Variants in CSMD1 observed in about 807,000 individuals in gnomAD.
The protein encoded by CSMD1 is CUB and Sushi multiple domains 1.
CSMD1 carries 213 observed loss-of-function variants against 417.5 expected under a neutral mutation model. The observed-to-expected ratio is 0.51, with a 90% CI of 0.46 to 0.57. The LOEUF is 0.57. Ranked by LOEUF, CSMD1 falls within the 20% of genes least tolerant of loss-of-function variation. The probability of loss-of-function intolerance (pLI) is 0.00; values close to 1 mark genes in which losing one functional copy is unlikely to be tolerated. For synonymous variants in CSMD1, 2,862 were observed against 1,736.8 expected, an observed-to-expected ratio of 1.65 and a Z score of -16.11; for missense variants, 6,923 against 4,529.7, an observed-to-expected ratio of 1.53 and a Z score of -15.17.
intron 48 of CSMD1, among the ~76,000 whole-genome samples, chr8:3,090,711 A>T (rs1563328627): frequency 6.6e-6 from 1 of 152,202 alleles, no homozygotes; most frequent in Non-Finnish European, 1.5e-5. Context: ...CTTTCACGGG[A>T]AAACATAACT....
chr8:4,069,781 T>C (rs1490683058), intron 3 of CSMD1, among the ~76,000 whole-genome samples: 2 of 152,212 alleles, frequency 1.3e-5, no homozygotes, highest in African/African-American at 2.4e-5. Context: ...AACTCCTGTT[T>C]TGGTGTTAAA....
At chr8:4,508,436 T>G (rs1243695615) in intron 2 of CSMD1, among the ~76,000 whole-genome samples, 1 of 152,212 alleles carries the variant, frequency 6.6e-6, no homozygotes, top group Admixed American at 6.5e-5. Context: ...TCAACCCACT[T>G]AGATACCAAT....
At chr8:4,118,620 G>A (rs1465181742) in intron 3 of CSMD1, among the ~76,000 whole-genome samples, 1 of 152,156 alleles carries the variant, frequency 6.6e-6, no homozygotes, top group African/African-American at 2.4e-5. Flanking sequence ...TGGAGACTTA[G>A]GAACACATTT....
chr8:2,998,843 G>T (rs984200659), intron 53 of CSMD1, among the ~76,000 whole-genome samples: 1 of 152,040 alleles, frequency 6.6e-6, no homozygotes, highest in Non-Finnish European at 1.5e-5. Context: ...TCATAAAACT[G>T]GTGTTTTCTT....
intron 11 of CSMD1, among the ~76,000 whole-genome samples, chr8:3,480,883 G>C (rs112250817): frequency 6.6e-6 from 1 of 151,916 alleles, no homozygotes; most frequent in Non-Finnish European, 1.5e-5. Flanking sequence ...TAGGCTGGGG[G>C]CAATGGCTCA....
At chr8:3,200,745 A>G (rs1796949976) in intron 32 of CSMD1, among the ~76,000 whole-genome samples, 2 of 152,108 alleles carry the variant, frequency 1.3e-5, no homozygotes, top group Admixed American at 1.3e-4. Flanking sequence ...TCTTAGATAC[A>G]TCATTGAACC....
intron 1 of CSMD1, among the ~76,000 whole-genome samples, chr8:4,759,984 C>G (rs1454091325): frequency 6.6e-6 from 1 of 152,204 alleles, no homozygotes; most frequent in Non-Finnish European, 1.5e-5. Flanking sequence ...TGAGGAATCA[C>G]CACAGTGTCT....
chr8:2,987,084 T>C (rs1215254334), intron 54 of CSMD1, among the ~76,000 whole-genome samples: 13 of 152,156 alleles, frequency 8.5e-5, no homozygotes, highest in African/African-American at 2.9e-4. Flanking sequence ...TAATGGTCTC[T>C]CCGACTATAT....
intron 5 of CSMD1, among the ~76,000 whole-genome samples, chr8:3,902,683 G>C (rs567450947): frequency 3.3e-5 from 5 of 152,034 alleles, no homozygotes; most frequent in Non-Finnish European, 7.3e-5. Context: ...TGGGCATCCT[G>C]GTTCTTAACA....
At chr8:3,005,344 C>G (rs560065922) in intron 52 of CSMD1, among the ~76,000 whole-genome samples, 1 of 152,082 alleles carries the variant, frequency 6.6e-6, no homozygotes, top group Admixed American at 6.5e-5. Context: ...TTTGTTACTC[C>G]AAGGAGGAAC....
intron 1 of CSMD1, among the ~76,000 whole-genome samples, chr8:4,992,338 G>T (rs529677996): frequency 2.0e-5 from 3 of 152,340 alleles, no homozygotes; most frequent in South Asian, 2.1e-4. Context: ...GGGCCGCCGC[G>T]GTCTCCACGC....
chr8:4,683,081 G>A (rs899594440), intron 1 of CSMD1, among the ~76,000 whole-genome samples: 5 of 149,278 alleles, frequency 3.3e-5, no homozygotes, highest in Non-Finnish European at 7.4e-5. Context: ...ATAGAATTTA[G>A]AAATTAAGAG....
At chr8:4,417,770 T>C (rs1221565741) in intron 3 of CSMD1, among the ~76,000 whole-genome samples, 5 of 152,034 alleles carry the variant, frequency 3.3e-5, no homozygotes, top group Non-Finnish European at 7.4e-5. Context: ...CTAATTATTA[T>C]CATTAATTCT....
chr8:3,252,443 A>T (rs915770591), intron 26 of CSMD1, among the ~76,000 whole-genome samples: 5 of 152,042 alleles, frequency 3.3e-5, no homozygotes, highest in African/African-American at 1.2e-4. Flanking sequence ...GCTTTTTGAT[A>T]TATTGTTGGA....
At chr8:3,466,512 C>T (rs1459516094) in intron 12 of CSMD1, among the ~76,000 whole-genome samples, 5 of 151,376 alleles carry the variant, frequency 3.3e-5, no homozygotes, top group African/African-American at 9.7e-5. Flanking sequence ...CGGGTTCAAG[C>T]GATTCTTCTG....
chr8:4,950,908 A>G (rs1209326228), intron 1 of CSMD1, among the ~76,000 whole-genome samples: 2 of 152,144 alleles, frequency 1.3e-5, no homozygotes, highest in Admixed American at 6.6e-5. Context: ...GTACTTGTTT[A>G]AAGTACCATT....
intron 11 of CSMD1, among the ~76,000 whole-genome samples, chr8:3,485,508 T>A (rs931828376): frequency 6.8e-6 from 1 of 146,790 alleles, no homozygotes; most frequent in Non-Finnish European, 1.5e-5. Context: ...AGTGAAATTG[T>A]ATAGAACTTC....
At chr8:3,918,414 T>C (rs929063522) in intron 5 of CSMD1, among the ~76,000 whole-genome samples, 19 of 152,160 alleles carry the variant, frequency 1.2e-4, no homozygotes, top group Non-Finnish European at 1.9e-4. Context: ...TATATTCTTG[T>C]GGTTTTGATT....
intron 3 of CSMD1, among the ~76,000 whole-genome samples, chr8:4,394,066 A>G (rs1804040962): frequency 6.6e-6 from 1 of 152,146 alleles, no homozygotes; most frequent in South Asian, 2.1e-4. Context: ...AGTTACTCAT[A>G]TCTGAAACAA....
Sources: allele counts gnomAD v4.1 joint callset (sites outside exome capture counted in the v4.1 genomes callset), GRCh38; gene constraint gnomAD v4.1.1; transcripts MANE v1.5; gene names NCBI Gene and HGNC (gene_info 2026-07-23, HGNC 2026-07-21).